The following MYH10 variants were observed in gnomAD, a reference collection of about 807,000 sequenced individuals.
The protein encoded by MYH10 is myosin-10.
A neutral mutation model predicts 257.8 loss-of-function variants in MYH10; 55 were observed. The ratio of observed to expected loss-of-function variants is 0.21; its 90% CI spans 0.17 to 0.27. The LOEUF is 0.27. Among genes scored for constraint, MYH10 ranks in the 10% least tolerant of loss-of-function variants. MYH10 has a pLI of 1.00. For missense variants in MYH10, 1,631 were observed against 2,500.6 expected (o/e 0.65, Z 7.42); for synonymous variants, 854 against 921.7 (o/e 0.93, Z 1.33).
At position 8,486,543 on chromosome 17, in the gene MYH10, CAAAAAAAA is replaced by C. The variant is rs67844660; in HGVS notation, c.5046+882_5046+889del. ...AAAAAAAAATCTTTATATTTAGCTT[CAAAAAAAA>C]AAAAAAAAAAAAAAAAAAAAAAAAA... On this transcript the variant is annotated intron_variant, in intron 36 of 42. Coordinates refer to ENST00000360416, the MANE Select transcript of MYH10 (RefSeq NM_001256012.3). 1.9e-4 allele frequency among the ~76,000 whole-genome samples: 23 copies of C among 120,754 alleles called. 1 individual carries two copies. The highest frequency in any genetic ancestry group is 7.5e-4 in the African/African-American group (22 of 29,438). The allele number at this position is 120,754 out of a possible 152,430, so 79.2% of individuals were successfully genotyped here.
chr17:8,606,692 G>A (rs1056742276), intron 2 of MYH10, among the ~76,000 whole-genome samples: 1 of 152,192 alleles, frequency 6.6e-6, no homozygotes, highest in Admixed American at 6.5e-5. Flanking sequence ...CACAATTGCA[G>A]GCTCAGATGT....
At chr17:8,594,680 C>T (rs112641616) in intron 3 of MYH10, among the ~76,000 whole-genome samples, 2,282 of 152,224 alleles carry the variant, frequency 0.015, 57 homozygotes, top group African/African-American at 0.052. Context: ...ACAACCCCAA[C>T]CCACAGCAGA....
At chr17:8,624,998 T>C (rs1373990383) in intron 1 of MYH10, among the ~76,000 whole-genome samples, 3 of 152,090 alleles carry the variant, frequency 2.0e-5, no homozygotes, top group African/African-American at 7.2e-5. Context: ...CCTATAATCC[T>C]AGCACTTTGG....
At position 8,597,278 on chromosome 17, in the gene MYH10, A is replaced by G. The variant is rs2084410203; in HGVS notation, c.502+7548T>C. On this transcript the variant is annotated intron_variant, in intron 3 of 42. Coordinates refer to ENST00000360416, the MANE Select transcript of MYH10 (RefSeq NM_001256012.3). Reference sequence around the variant, plus strand: ...AGATGAGTATAAAAACTCTTCTTCCATAATAGGCAGTCTAAAGATAGAAAG... The same window carrying G: ...AGATGAGTATAAAAACTCTTCTTCCGTAATAGGCAGTCTAAAGATAGAAAG... Among the ~76,000 whole-genome samples the G allele has an allele frequency of 2.0e-5, 3 of 152,088 alleles. No individual in the cohort carries two copies. The South Asian group carries it at 6.2e-4, about 31-fold the overall frequency.
intron 40 of MYH10, 99 bp from the exon 41 acceptor site, chr17:8,478,545 T>C (rs866506191): frequency 4.7e-6 from 5 of 1,071,570 alleles, no homozygotes; most frequent in Middle Eastern, 2.0e-4. Flanking sequence ...AGATGACACA[T>C]GGTGGAGGCA....
chr17:8,526,708 G>A (rs552839097), intron 17 of MYH10, among the ~76,000 whole-genome samples: 1 of 152,272 alleles, frequency 6.6e-6, no homozygotes, highest in Admixed American at 6.5e-5. Context: ...GAATGGCATC[G>A]CTTGGTACCG....
At chr17:8,493,987 T>G (rs892982267) in intron 31 of MYH10, 102 bp from the exon 32 acceptor site, 1 of 1,305,106 alleles carries the variant, frequency 7.7e-7, no homozygotes, top group Non-Finnish European at 1.0e-6. Flanking sequence ...ACAGCCTCAA[T>G]GCATGAGAAC....
At chr17:8,521,851 T>A (rs2081665010) in intron 17 of MYH10, among the ~76,000 whole-genome samples, 1 of 152,226 alleles carries the variant, frequency 6.6e-6, no homozygotes, top group African/African-American at 2.4e-5. Flanking sequence ...TTTAGCAATG[T>A]GTAAGCTTCA....
chr17:8,561,839 G>A (rs1227227910), intron 7 of MYH10, among the ~76,000 whole-genome samples: 1 of 152,098 alleles, frequency 6.6e-6, no homozygotes, highest in Non-Finnish European at 1.5e-5. Context: ...CCATGATAGT[G>A]AGTGCCAGTG....
At chr17:8,572,801 C>T (rs1213739576) in intron 6 of MYH10, among the ~76,000 whole-genome samples, 1 of 152,254 alleles carries the variant, frequency 6.6e-6, no homozygotes, top group South Asian at 2.1e-4. Context: ...GACTGAGTAA[C>T]GATCTCAAAA....
chr17:8,630,208 G>C (rs1461862717), intron 1 of MYH10, among the ~76,000 whole-genome samples: 6 of 151,212 alleles, frequency 4.0e-5, no homozygotes, highest in Non-Finnish European at 1.5e-5. Context: ...CTGGCTCGCG[G>C]GGCACGCCGA....
At chr17:8,495,109 T>TAA in intron 31 of MYH10, 28 bp downstream of exon 31, 2 of 1,351,752 alleles carry the variant, frequency 1.5e-6, no homozygotes, top group Non-Finnish European at 1.1e-6. Flanking sequence ...TTAGTTATTA[T>TAA]AAAGACCCCT....
In MYH10 at chr17:8,518,654, A is replaced by G; in HGVS notation, c.2481T>C (p.Val827=). ...ACTTTCTGGCCAGGTAACCTCTGCA[A>G]ACGGCCTGGAAGAAGATAATGATAT... The part of the protein sequence containing the change: ...ITDIIIFFQA[V]CRGYLARKAF... The change falls in exon 21 of 43, where the codon GTT becomes GTC. Residue 827 remains valine, a synonymous_variant. Coordinates refer to ENST00000360416, the MANE Select transcript of MYH10 (RefSeq NM_001256012.3). The G allele has an allele frequency of 6.2e-7, 1 of 1,613,432 alleles. No individual in the cohort carries two copies. Among genetic ancestry groups the G allele is most frequent in the South Asian group, 1.1e-5 (1 of 90,800 alleles).
At chr17:8,516,517 G>T (rs921230968) in intron 21 of MYH10, among the ~76,000 whole-genome samples, 1 of 152,224 alleles carries the variant, frequency 6.6e-6, no homozygotes, top group Non-Finnish European at 1.5e-5. Context: ...ACATGGATTT[G>T]TTAGCTTTAA....
At chr17:8,628,486 G>A (rs577976724) in intron 1 of MYH10, among the ~76,000 whole-genome samples, 1 of 152,286 alleles carries the variant, frequency 6.6e-6, no homozygotes, top group East Asian at 1.9e-4. Flanking sequence ...AAACAAGAAG[G>A]ATGGATAAAT....
At chr17:8,495,702 G>A (rs1350606493) in intron 30 of MYH10, among the ~76,000 whole-genome samples, 1 of 151,846 alleles carries the variant, frequency 6.6e-6, no homozygotes, top group Non-Finnish European at 1.5e-5. Context: ...TTCTATAAAA[G>A]GGGTACAAGA....
intron 31 of MYH10, 57 bp downstream of exon 31, chr17:8,495,080 C>T (rs1163854741): frequency 1.3e-5 from 14 of 1,062,646 alleles, no homozygotes; most frequent in Non-Finnish European, 2.1e-5. Context: ...ATTTCACCAG[C>T]TTATATATTA....
intron 2 of MYH10, among the ~76,000 whole-genome samples, chr17:8,605,463 T>C (rs2084760803): frequency 6.6e-6 from 1 of 152,168 alleles, no homozygotes; most frequent in South Asian, 2.1e-4. Flanking sequence ...ATACTCTTCT[T>C]GGCCAGGCAC....
intron 32 of MYH10, 88 bp downstream of exon 32, chr17:8,493,645 T>C (rs1916112905): frequency 6.9e-7 from 1 of 1,443,754 alleles, no homozygotes; most frequent in Non-Finnish European, 9.3e-7. Flanking sequence ...CTGTCCCAAA[T>C]GGAGCTGAGA....
Sources: gnomAD v4.1 joint callset for allele counts (sites outside exome capture counted in the v4.1 genomes callset) on GRCh38, gnomAD v4.1.1 for gene constraint, MANE v1.5 for transcripts, NCBI Gene and HGNC (gene_info 2026-07-23, HGNC 2026-07-21) for gene names.